The following PACRG variants were observed in gnomAD, a reference collection of about 807,000 sequenced individuals.
PACRG encodes the protein parkin coregulated.
In PACRG, 29 loss-of-function variants were observed where a neutral mutation model predicts 29.7. That is an observed-to-expected ratio of 0.98 (90% CI 0.73 to 1.33). The LOEUF is 1.33. Among genes scored for constraint, PACRG ranks in the 40% most tolerant of loss-of-function variants. PACRG has a pLI of 0.00. For missense variants in PACRG, 279 were observed against 316.2 expected (o/e 0.88, Z 0.89); for synonymous variants, 116 against 118.7 (o/e 0.98, Z 0.15).
In PACRG at chr6:162,947,601, T is replaced by TATATACTC. The variant is rs1562767152; in HGVS notation, c.292-114544_292-114543insCTCATATA. On this transcript the variant is annotated intron_variant, in intron 2 of 4. Transcript: ENST00000366888. ...ATATAATCATATATATAATCATATA[T>TATATACTC]ATATATAATCATATATATATATATA... Among the ~76,000 whole-genome samples the TATATACTC allele has an allele frequency of 3.2e-4, 23 of 70,800 alleles. 2 individuals carry two copies. The highest frequency in any genetic ancestry group is 5.5e-4 in the Non-Finnish European group (20 of 36,074). 46.4% of individuals were successfully genotyped at this position (70,800 alleles called of 152,430 possible).
At chr6:162,857,374 C>T (rs1032436124) in intron 2 of PACRG, among the ~76,000 whole-genome samples, 8 of 152,150 alleles carry the variant, frequency 5.3e-5, no homozygotes, top group Non-Finnish European at 8.8e-5. Context: ...ATCCAGATAC[C>T]GGAGAGGGAA....
At chr6:163,257,933 T>C (rs1363500629) in intron 4 of PACRG, among the ~76,000 whole-genome samples, 1 of 152,200 alleles carries the variant, frequency 6.6e-6, no homozygotes, top group Non-Finnish European at 1.5e-5. Flanking sequence ...TATTGAATCA[T>C]TTTATTAAAT....
chr6:163,215,053 A>G (rs1288811986), intron 4 of PACRG, among the ~76,000 whole-genome samples: 1 of 151,626 alleles, frequency 6.6e-6, no homozygotes, highest in Non-Finnish European at 1.5e-5. Flanking sequence ...TATTAATTTG[A>G]CCCATTTGTA....
At chr6:163,095,607 G>A (rs9458722) in intron 4 of PACRG, 5,189 of 235,440 alleles carry the variant, frequency 0.022, 297 homozygotes, top group African/African-American at 0.11. Context: ...TCTAGCTTCC[G>A]GAGGTGCCAG....
intron 2 of PACRG, among the ~76,000 whole-genome samples, chr6:162,906,043 A>AG (rs542050140): frequency 1.3e-5 from 2 of 152,216 alleles, no homozygotes; most frequent in East Asian, 1.9e-4. Context: ...ACAGAAAAAA[A>AG]GGGGGGGAAA....
rs182882501 is a variant in PACRG at position 163,145,074 on chromosome 6, C to T, written c.613+55666C>T. 1.4e-3 allele frequency among the ~76,000 whole-genome samples: 217 copies of T among 152,216 alleles called. 1 individual carries two copies. The highest frequency in any genetic ancestry group is 2.4e-3 in the Non-Finnish European group (166 of 68,018). The stretch of plus-strand genomic sequence containing the variant: ...ATCTCAGTGAGTTCTGGCTTGGAGA[C>T]CACTGGTCCCACCCAACCCACCATG... On this transcript the variant is annotated intron_variant, in intron 4 of 4. Coordinates refer to ENST00000366888, the MANE Select transcript of PACRG (RefSeq NM_001080379.2).
At chr6:162,733,559 A>G (rs1422768333) in intron 1 of PACRG, among the ~76,000 whole-genome samples, 1 of 152,140 alleles carries the variant, frequency 6.6e-6, no homozygotes, top group African/African-American at 2.4e-5. Context: ...AGGCCGAATC[A>G]TGGCATTCGT....
chr6:163,149,406 G>A (rs1777978297), intron 4 of PACRG, among the ~76,000 whole-genome samples: 3 of 152,136 alleles, frequency 2.0e-5, no homozygotes, highest in Admixed American at 6.5e-5. Flanking sequence ...AAAAGCCAAG[G>A]CCACGTCTAT....
chr6:162,816,953 T>A (rs1787406188), intron 2 of PACRG, among the ~76,000 whole-genome samples: 1 of 152,188 alleles, frequency 6.6e-6, no homozygotes, highest in Non-Finnish European at 1.5e-5. Flanking sequence ...CACTGAGGAC[T>A]GCTGAGGAGC....
At chr6:162,831,861 G>T (rs1788800055) in intron 2 of PACRG, among the ~76,000 whole-genome samples, 1 of 152,166 alleles carries the variant, frequency 6.6e-6, no homozygotes, top group African/African-American at 2.4e-5. Flanking sequence ...TGGCTGCATA[G>T]TATTCCTTGG....
At chr6:163,071,017 C>T (rs767917688) in intron 3 of PACRG, among the ~76,000 whole-genome samples, 4 of 152,010 alleles carry the variant, frequency 2.6e-5, no homozygotes, top group Non-Finnish European at 5.9e-5. Context: ...TATGTAAGCA[C>T]CCAATACTGG....
intron 2 of PACRG, among the ~76,000 whole-genome samples, chr6:163,014,887 A>G (rs1805950714): frequency 6.6e-6 from 1 of 152,036 alleles, no homozygotes; most frequent in African/African-American, 2.4e-5. Flanking sequence ...TTTTGTTGCA[A>G]TTGCTTTTGA....
intron 1 of PACRG, among the ~76,000 whole-genome samples, chr6:162,789,289 T>C (rs1306071288): frequency 6.6e-6 from 1 of 152,210 alleles, no homozygotes; most frequent in Non-Finnish European, 1.5e-5. Context: ...AGCTTTGCTA[T>C]AATCATTTTT....
chr6:162,786,778 A>G (rs1189372677), intron 1 of PACRG, among the ~76,000 whole-genome samples: 8 of 151,544 alleles, frequency 5.3e-5, no homozygotes, highest in Non-Finnish European at 1.2e-4. Flanking sequence ...TCTTCCTCTC[A>G]CTTTTTAATG....
At chr6:163,141,422 A>G (rs919211637) in intron 4 of PACRG, among the ~76,000 whole-genome samples, 2 of 145,556 alleles carry the variant, frequency 1.4e-5, no homozygotes, top group African/African-American at 5.2e-5. Context: ...CTTATGAACT[A>G]TAGGATTTTT....
At chr6:163,029,243 C>T (rs985286706) in intron 2 of PACRG, among the ~76,000 whole-genome samples, 14 of 152,216 alleles carry the variant, frequency 9.2e-5, no homozygotes, top group African/African-American at 3.4e-4. Context: ...ACCAATGCAG[C>T]TCTGCTACCA....
intron 2 of PACRG, among the ~76,000 whole-genome samples, chr6:162,865,737 G>A (rs1792239540): frequency 6.6e-6 from 1 of 152,038 alleles, no homozygotes; most frequent in Non-Finnish European, 1.5e-5. Flanking sequence ...TTAGCATTCA[G>A]AAAGGCTCGA....
intron 4 of PACRG, among the ~76,000 whole-genome samples, chr6:163,286,352 G>A (rs538151819): frequency 5.5e-4 from 83 of 152,222 alleles, no homozygotes; most frequent in South Asian, 1.9e-3. Flanking sequence ...GGACATTTAT[G>A]TTTACTACCC....
intron 1 of PACRG, among the ~76,000 whole-genome samples, chr6:162,739,562 G>A (rs1435571391): frequency 4.6e-5 from 7 of 151,472 alleles, no homozygotes; most frequent in South Asian, 2.1e-4. Flanking sequence ...AATTTTTGTC[G>A]GCCAGGCGTG....
Sources: gnomAD v4.1 joint callset for allele counts (sites outside exome capture counted in the v4.1 genomes callset) on GRCh38, gnomAD v4.1.1 for gene constraint, MANE v1.5 for transcripts, NCBI Gene and HGNC (gene_info 2026-07-23, HGNC 2026-07-21) for gene names.